The following SEZ6 variants were observed in gnomAD, a reference collection of about 807,000 sequenced individuals.
The protein encoded by SEZ6 is seizure related 6 homolog, also known as seizure protein 6 homolog.
Under a neutral mutation model 101.0 loss-of-function variants are expected in SEZ6, and 53 were observed. The observed-to-expected ratio is 0.52, with a 90% CI of 0.42 to 0.66. The LOEUF is 0.66. SEZ6 is among the 30% of genes least tolerant of loss of function. The probability of loss-of-function intolerance (pLI) is 0.00; values close to 1 mark genes in which losing one functional copy is unlikely to be tolerated. For synonymous variants in SEZ6, 488 were observed against 512.2 expected (o/e 0.95, Z 0.64); for missense variants, 1,102 against 1,289.4 (o/e 0.85, Z 2.23).
Position 28,964,077 on chromosome 17 carries a change from T to C in SEZ6, c.1125A>G (p.Pro375=). ...CACAATGGAAGCGGGCACTACCCCC[T>C]GGGTGGAGGCTGGTGACAGTCACAT... The part of the protein sequence containing the change: ...YGDVTVTSLH[P]GGSARFHCAT... Residue 375 remains proline, a synonymous_variant, in exon 5 of 17, where the codon CCA becomes CCG. Coordinates refer to ENST00000317338, the MANE Select transcript of SEZ6 (RefSeq NM_178860.5). 1 of 1,607,776 alleles carries C rather than the reference T, an allele frequency of 6.2e-7. No individual in the cohort carries two copies. The highest frequency in any genetic ancestry group is 8.5e-7 in the Non-Finnish European group (1 of 1,177,078).
chr17:28,988,146 C>A (rs372064354), intron 1 of SEZ6, among the ~76,000 whole-genome samples: 2 of 152,198 alleles, frequency 1.3e-5, no homozygotes, highest in Non-Finnish European at 2.9e-5. Flanking sequence ...CAATTGCTCA[C>A]GCGATTCTCT....
At chr17:28,997,786 G>A (rs1018394371) in intron 1 of SEZ6, among the ~76,000 whole-genome samples, 7 of 152,088 alleles carry the variant, frequency 4.6e-5, no homozygotes, top group Non-Finnish European at 1.0e-4. Flanking sequence ...GAATTCTCAA[G>A]GAAACTGAGG....
At chr17:28,995,354 G>T (rs934484364) in intron 1 of SEZ6, among the ~76,000 whole-genome samples, 3 of 152,022 alleles carry the variant, frequency 2.0e-5, no homozygotes, top group African/African-American at 2.4e-5. Flanking sequence ...ATGTGGGGGG[G>T]GGTGCATTAG....
chr17:28,965,789 C>A (rs990094388), intron 4 of SEZ6, among the ~76,000 whole-genome samples: 6 of 152,116 alleles, frequency 3.9e-5, no homozygotes, highest in African/African-American at 9.7e-5. Context: ...ATGGTGGCAG[C>A]AAATCCTACA....
At chr17:28,968,005 C>G (rs573734242) in intron 4 of SEZ6, among the ~76,000 whole-genome samples, 1 of 150,624 alleles carries the variant, frequency 6.6e-6, no homozygotes, top group Non-Finnish European at 1.5e-5. Context: ...TCTGCCTCCC[C>G]ACCCTGCCTG....
Position 28,959,441 on chromosome 17 carries a change from A to G in SEZ6, c.1803T>C (p.Ala601=), listed in dbSNP as rs1255033013. Residue 601 remains alanine, a synonymous_variant, in exon 9 of 17, where the codon GCT becomes GCC. Transcript: ENST00000317338. This position sits in a 1 kb window ranked among gnomAD's most constrained non-coding sequence, Gnocchi z 4.4. ...GCCAGTTGGGAGAGAGTACCACGCC[A>G]GCCGAGTCTGTGATCTCCCCGCTGC... ...AVCSGEITDS[A]GVVLSPNWPE... 6.2e-7 allele frequency: 1 copy of G among 1,613,734 alleles called. No homozygotes were observed.
intron 6 of SEZ6, 51 bp downstream of exon 6, chr17:28,960,754 G>T: frequency 6.2e-7 from 1 of 1,612,308 alleles, no homozygotes. Flanking sequence ...CGTCCCTCCA[G>T]CAGGGTATTA....
chr17:28,986,560 G>T (rs1335786339), intron 1 of SEZ6, among the ~76,000 whole-genome samples: 1 of 152,228 alleles, frequency 6.6e-6, no homozygotes, highest in South Asian at 2.1e-4. Context: ...AGCTTGCCCA[G>T]GTTCACAGTG....
chr17:28,984,450 G>T (rs1014528133), intron 1 of SEZ6, among the ~76,000 whole-genome samples: 6 of 152,172 alleles, frequency 3.9e-5, no homozygotes, highest in Admixed American at 6.5e-5. Context: ...AGGTACCTGT[G>T]TGACTCTTCC....
At position 28,959,757 on chromosome 17, in the gene SEZ6, A is replaced by G. The variant is rs557614787; in HGVS notation, c.1712T>C (p.Ile571Thr). The change falls in exon 8 of 17, where the codon ATC (isoleucine) becomes ACC (threonine). Residue 571 changes from isoleucine to threonine, a missense_variant. Ile to Thr is a moderately conservative substitution (Grantham distance 89). This residue lies in a region of SEZ6 where 556 missense variants were observed against 735.1 expected (regional missense o/e 0.76). Transcript: ENST00000317338. The surrounding 1 kb of genome is among the most constrained non-coding windows in gnomAD (Gnocchi z 4.4). ...GTCGTGGGGGTCAACACACTCGATG[A>G]TGATGGAGCCCTGCTCCAGGGTGTA... is the stretch of plus-strand genomic sequence containing the variant. The part of the protein sequence containing the change: ...PGYTLEQGSI[I>T]IECVDPHDPQ... 1 of 1,612,668 alleles carries G rather than the reference A, an allele frequency of 6.2e-7. No individual in the cohort carries two copies. Among genetic ancestry groups the G allele is most frequent in the African/African-American group, 1.3e-5 (1 of 74,984 alleles).
intron 1 of SEZ6, among the ~76,000 whole-genome samples, chr17:28,986,566 C>T (rs1158875040): frequency 6.6e-6 from 1 of 152,190 alleles, no homozygotes; most frequent in Non-Finnish European, 1.5e-5. Context: ...CCCAGGTTCA[C>T]AGTGGTGGTG....
chr17:28,973,908 C>T (rs2041186150), intron 3 of SEZ6, among the ~76,000 whole-genome samples: 1 of 152,226 alleles, frequency 6.6e-6, no homozygotes, highest in Non-Finnish European at 1.5e-5. Context: ...AGGACAATTC[C>T]TCCAGGACCC....
chr17:28,983,603 CT>C lies in SEZ6; in HGVS notation c.56-1565del, dbSNP rs145793885. Among the ~76,000 whole-genome samples the C allele has an allele frequency of 7.9e-4, 120 of 152,042 alleles. No individual in the cohort carries two copies. The East Asian group carries it at 0.021, about 26-fold the overall frequency. On this transcript the variant is annotated intron_variant, in intron 1 of 16. Coordinates refer to ENST00000317338, the MANE Select transcript of SEZ6 (RefSeq NM_178860.5). ...AGCTGGAGAGATGATGCATATTCTGCTTGTGGCCCATTCGGCTCCCCAGATC... is the reference window on the plus strand; with the variant it reads ...AGCTGGAGAGATGATGCATATTCTGCTGTGGCCCATTCGGCTCCCCAGATC...
At chr17:28,980,846 A>G (rs192332771) in intron 2 of SEZ6, among the ~76,000 whole-genome samples, 2 of 152,042 alleles carry the variant, frequency 1.3e-5, no homozygotes, top group South Asian at 2.1e-4. Context: ...TGAGGCTCAG[A>G]GATGAGATGT....
chr17:28,959,738 G>A lies in SEZ6; in HGVS notation c.1731C>T (p.Pro577=), dbSNP rs762789002. ...QGSIIIECVD[P]HDPQWNETEP... ...CTGTCTCATTCCACTGGGGGTCGTG[G>A]GGGTCAACACACTCGATGATGATGG... Residue 577 remains proline, a synonymous_variant, in exon 8 of 17, where the codon CCC becomes CCT. Transcript: ENST00000317338. This position sits in a 1 kb window ranked among gnomAD's most constrained non-coding sequence, Gnocchi z 4.4. The A allele has an allele frequency of 3.3e-5, 53 of 1,609,118 alleles. 1 individual carries two copies. In the South Asian group the frequency reaches 5.7e-4, roughly 17 times the overall value.
At position 28,956,578 on chromosome 17, in the gene SEZ6, T is replaced by A. The variant is rs1486102074; in HGVS notation, c.2732-111A>T. ...TACCAGCTCCCTCTAGCTGGCTGGG[T>A]GTAGGGAAGGAGCTTTTTAACCTGC... On this transcript the variant is annotated intron_variant, in intron 14 of 16. Coordinates refer to ENST00000317338, the MANE Select transcript of SEZ6 (RefSeq NM_178860.5). The A allele has an allele frequency of 2.9e-5, 43 of 1,468,692 alleles. No homozygotes were observed. In the East Asian group the frequency reaches 1.1e-3, roughly 36 times the overall value. The allele number at this position is 1,468,692 out of a possible 1,614,324, so 91.0% of individuals were successfully genotyped here.
chr17:28,981,772 G>T lies in SEZ6; in HGVS notation c.323C>A (p.Pro108His). 1 of 1,612,512 alleles carries T rather than the reference G, an allele frequency of 6.2e-7. No homozygotes were observed. Among genetic ancestry groups the T allele is most frequent in the South Asian group, 1.1e-5 (1 of 91,060 alleles). ...GCGGCTGTCCTGGTTGGCCAGGCGG[G>T]GAAGGGGACTTGGGGTGAAGGGTGC... ...PPAPFTPSPLPRLANQDSRPV... is the reference protein window; with the variant it reads ...PPAPFTPSPLHRLANQDSRPV... The change falls in exon 2 of 17, where the codon CCC becomes CAC. Residue 108 changes from proline to histidine, a missense_variant. Physicochemically the swap from Pro to His is moderately conservative, Grantham distance 77 (BLOSUM62 -2). Transcript: ENST00000317338.
intron 3 of SEZ6, among the ~76,000 whole-genome samples, chr17:28,977,814 T>G (rs982770491): frequency 6.6e-6 from 1 of 152,210 alleles, no homozygotes; most frequent in African/African-American, 2.4e-5. Context: ...TTCCACCCAG[T>G]GAGCCACAGC....
At chr17:28,972,759 C>T (rs2041171297) in intron 3 of SEZ6, among the ~76,000 whole-genome samples, 1 of 152,124 alleles carries the variant, frequency 6.6e-6, no homozygotes, top group African/African-American at 2.4e-5. Context: ...CGAGAGATGC[C>T]AGGCAGCATA....
Sources: gnomAD v4.1 joint callset for allele counts (sites outside exome capture counted in the v4.1 genomes callset) on GRCh38, gnomAD v4.1.1 for gene constraint, gnomAD v4.1.1 regional missense constraint, Gnocchi (gnomAD v3.1) non-coding constraint, MANE v1.5 for transcripts, NCBI Gene and HGNC (gene_info 2026-07-23, HGNC 2026-07-21) for gene names.